The following ZAN variants were observed in gnomAD, a reference collection of about 807,000 sequenced individuals.
The protein encoded by ZAN is zonadhesin, also known as zonadhesin (gene/pseudogene).
In ZAN, 260 loss-of-function variants were observed where a neutral mutation model predicts 286.2. That is an observed-to-expected ratio of 0.91 (90% CI 0.82 to 1.01). ZAN has a LOEUF of 1.01. Ranked by LOEUF, ZAN falls within the 50% of genes least tolerant of loss-of-function variation. The pLI is 0.00. For synonymous variants in ZAN, 1,368 were observed against 1,417.5 expected, an observed-to-expected ratio of 0.97 and a Z score of 0.79; for missense variants, 3,410 against 3,639.2, an observed-to-expected ratio of 0.94 and a Z score of 1.62.
rs1001877044 is a variant in ZAN at position 100,758,685 on chromosome 7, A to G, written c.3571+35A>G. 4 of 1,544,584 alleles carry G rather than the reference A, an allele frequency of 2.6e-6. No homozygotes were observed. The African/African-American group carries it at 4.1e-5, about 16-fold the overall frequency. Reference sequence around the variant, plus strand: ...GGAGATGCCACTGCGGCCTGGGGGGAGGGTCTGTGGGCAGCGCTGCTAGGC... The same window carrying G: ...GGAGATGCCACTGCGGCCTGGGGGGGGGGTCTGTGGGCAGCGCTGCTAGGC... On this transcript the variant is annotated intron_variant, in intron 17 of 47. Coordinates refer to ENST00000613979, the MANE Select transcript of ZAN (RefSeq NM_003386.3).
At chr7:100,788,705 T>C (rs1811740013) in intron 38 of ZAN, among the ~76,000 whole-genome samples, 1 of 151,978 alleles carries the variant, frequency 6.6e-6, no homozygotes, top group African/African-American at 2.4e-5. Context: ...CACCAATGTA[T>C]TTTTATTTTT....
At chr7:100,738,873 T>TTCTTCTTCTTCTCCTTCTCCC (rs1562911230) in intron 7 of ZAN, among the ~76,000 whole-genome samples, 1 of 24,150 alleles carries the variant, frequency 4.1e-5, no homozygotes. Context: ...CCTCTTCTTC[T>TTCTTCTTCTTCTCCTTCTCCC]TCTCCCTCTC....
chr7:100,777,928 C>T (rs996246051), intron 34 of ZAN, among the ~76,000 whole-genome samples: 5 of 151,904 alleles, frequency 3.3e-5, no homozygotes, highest in Non-Finnish European at 5.9e-5. Context: ...CATTCTGGGG[C>T]GATGTGTGTA....
rs375997567 is a variant in ZAN, at chr7:100,767,843, C to T, written c.4873C>T (p.Arg1625Trp). Residue 1625 changes from arginine to tryptophan, a missense_variant, in exon 26 of 48, where the codon CGG becomes TGG. Arg to Trp is a moderately radical substitution (Grantham distance 101). Around this residue, in one of 7 missense-constraint regions of ZAN, gnomAD observed 1,042 missense variants for 1,058.0 expected, o/e 0.98. Transcript: ENST00000613979. ...CCTGCCTCTGCAGCTGAATGGCCATCGGGTGGCCCTACCTGTGTGGCTTGC... is the reference window on the plus strand; with the variant it reads ...CCTGCCTCTGCAGCTGAATGGCCATTGGGTGGCCCTACCTGTGTGGCTTGC... ...RGCKVMLNGH[R>W]VALPVWLAQG... 2.0e-4 allele frequency: 328 copies of T among 1,612,660 alleles called. No homozygotes were observed. Among genetic ancestry groups the T allele is most frequent in the Non-Finnish European group, 2.5e-4 (294 of 1,179,452 alleles).
rs755345267 is a variant in ZAN, at chr7:100,779,695, C to T, written c.6567C>T (p.Ala2189=). 2.6e-6 allele frequency: 4 copies of T among 1,560,752 alleles called. No homozygotes were observed. The highest frequency in any genetic ancestry group is 4.8e-5 in the East Asian group (2 of 41,580). The change falls in exon 35 of 48, where the codon GCC becomes GCT. Residue 2189 remains alanine (A), a synonymous_variant. Transcript: ENST00000613979. ...GCCAGGCTCTGCAAGCCTTCGGGGC[C>T]ACCTGCCAGAGCCAGGGGCTCAAGC... The part of the protein sequence containing the change: ...ALCQALQAFG[A]TCQSQGLKPP...
chr7:100,750,013 T>TTTGG (rs1808533819), intron 11 of ZAN, among the ~76,000 whole-genome samples: 1 of 143,010 alleles, frequency 7.0e-6, no homozygotes, highest in Admixed American at 7.0e-5. Flanking sequence ...ATCGTGTCAC[T>TTTGG]GCACTCCAGC....
At chr7:100,780,960 A>C (rs1231756555) in intron 35 of ZAN, among the ~76,000 whole-genome samples, 1 of 151,854 alleles carries the variant, frequency 6.6e-6, no homozygotes, top group Admixed American at 6.6e-5. Flanking sequence ...AGACAAGAAA[A>C]CTATATGCTC....
intron 38 of ZAN, 36 bp downstream of exon 38, chr7:100,788,172 G>A (rs778762672): frequency 1.4e-6 from 2 of 1,445,820 alleles, no homozygotes; most frequent in Non-Finnish European, 1.8e-6. Context: ...GGTGTGGGGA[G>A]GCAGCTGGAC....
chr7:100,747,098 T>C (rs1331778565), intron 8 of ZAN, among the ~76,000 whole-genome samples: 2 of 147,248 alleles, frequency 1.4e-5, no homozygotes, highest in African/African-American at 5.1e-5. Flanking sequence ...AAAAAGAAAG[T>C]TGTGCTGGCC....
chr7:100,760,272 A>G, intron 18 of ZAN, 119 bp from the exon 19 acceptor site: 1 of 1,349,142 alleles, frequency 7.4e-7, no homozygotes, highest in Non-Finnish European at 1.0e-6. Flanking sequence ...CTCCTGGTGG[A>G]TGAGATTGTT....
In ZAN at chr7:100,762,406, T is replaced by C; in HGVS notation, c.3986+48T>C. Reference sequence around the variant, plus strand: ...GGGGCCCTGGGAAGGTTCCGTCCCCTTCCTGGAACTCTCTTTTTTTTTTTT... The same window carrying C: ...GGGGCCCTGGGAAGGTTCCGTCCCCCTCCTGGAACTCTCTTTTTTTTTTTT... On this transcript the variant is annotated intron_variant, in intron 20 of 47. Transcript: ENST00000613979. The C allele has an allele frequency of 2.8e-6, 4 of 1,438,940 alleles. No individual in the cohort carries two copies. The South Asian group carries it at 5.6e-5, about 20-fold the overall frequency. The allele number at this position is 1,438,940 out of a possible 1,614,324, so 89.1% of individuals were successfully genotyped here. A position where few individuals can be genotyped will look rare whatever the true frequency, so the allele number is the denominator to read the frequency against.
In ZAN at chr7:100,767,019, C is replaced by T. The variant is rs183936895; in HGVS notation, c.4622C>T (p.Thr1541Ile). ...IYGCHAQGAATCTASGDPHYL... is the reference protein window; with the variant it reads ...IYGCHAQGAAICTASGDPHYL... ...ATCTTCTTCTCCACAGGTGCCGCCA[C>T]CTGCACAGCCTCGGGTGACCCCCAC... The change falls in exon 25 of 48, where the codon ACC becomes ATC. Residue 1541 changes from threonine to isoleucine, a missense_variant. Physicochemically the swap from Thr to Ile is moderately conservative, Grantham distance 89 (BLOSUM62 -1). Around this residue, in one of 7 missense-constraint regions of ZAN, gnomAD observed 1,042 missense variants for 1,058.0 expected, o/e 0.98. Coordinates refer to ENST00000613979, the MANE Select transcript of ZAN (RefSeq NM_003386.3). The T allele has an allele frequency of 3.1e-5, 50 of 1,613,840 alleles. No homozygotes were observed. The Admixed American group carries it at 8.2e-4, about 26-fold the overall frequency.
At chr7:100,783,733 CAAAAAAAAAAAAAA>C (rs67004319) in intron 35 of ZAN, among the ~76,000 whole-genome samples, 5 of 11,238 alleles carry the variant, frequency 4.4e-4, no homozygotes, top group African/African-American at 1.1e-3. Context: ...CCGTCCCCCG[CAAAAAAAAAAAAAA>C]AAAAAAAAAA....
In ZAN at chr7:100,773,815, C is replaced by T; in HGVS notation, c.5729C>T (p.Pro1910Leu). Residue 1910 changes from proline to leucine, a missense_variant, in exon 31 of 48, where the codon CCC becomes CTC. By Grantham distance (98) the Pro-to-Leu change is moderately conservative (BLOSUM62 -3). This residue lies in a region of ZAN where 1,289 missense variants were observed against 1,314.3 expected (regional missense o/e 0.98). Transcript: ENST00000613979. ...NITCFQSTCK[P>L]NQICWALDGL... ...ACCTGCTTCCAGAGCACCTGCAAAC[C>T]CAACCAGATATGCTGGGCCCTGGAT... 1 of 1,611,424 alleles carries T rather than the reference C, an allele frequency of 6.2e-7. No individual in the cohort carries two copies. The highest frequency in any genetic ancestry group is 8.5e-7 in the Non-Finnish European group (1 of 1,179,104).
Position 100,769,872 on chromosome 7 carries a change from TCA to T in ZAN, c.5154-7_5154-6del. 1 of 1,552,836 alleles carries T rather than the reference TCA, an allele frequency of 6.4e-7. No individual in the cohort carries two copies. The highest frequency in any genetic ancestry group is 8.7e-7 in the Non-Finnish European group (1 of 1,147,606). On this transcript the variant is annotated splice_polypyrimidine_tract_variant and splice_region_variant and intron_variant, in intron 27 of 47. Coordinates refer to ENST00000613979, the MANE Select transcript of ZAN (RefSeq NM_003386.3). ...TGTAGCCCTCAGTTTCTATTCTCTC[TCA>T]TTTAGCTGTTTCCTTGTGGGTGGCA...
At chr7:100,741,517 C>T (rs1442669458) in intron 7 of ZAN, among the ~76,000 whole-genome samples, 9 of 50,858 alleles carry the variant, frequency 1.8e-4, no homozygotes, top group Non-Finnish European at 2.4e-4. Context: ...GGGGGGCTGA[C>T]CCCCCCCACC....
intron 37 of ZAN, among the ~76,000 whole-genome samples, chr7:100,786,707 G>GC (rs1037528869): frequency 1.3e-5 from 2 of 149,930 alleles, no homozygotes; most frequent in African/African-American, 4.9e-5. Flanking sequence ...CACTGTGCCC[G>GC]CCCCCTCTAA....
Position 100,776,893 on chromosome 7 carries a change from C to T in ZAN, c.6317+329C>T, listed in dbSNP as rs531424588. 8.5e-3 allele frequency among the ~76,000 whole-genome samples: 1,200 copies of T among 141,872 alleles called. 22 individuals carry two copies. Among genetic ancestry groups the T allele is most frequent in the African/African-American group, 0.029 (1,122 of 38,528 alleles). 93.1% of individuals were successfully genotyped at this position (141,872 alleles called of 152,430 possible). On this transcript the variant is annotated intron_variant, in intron 34 of 47. Transcript: ENST00000613979. ...GACTACAGGCGCCCGCCACCGCGCC[C>T]GGCTAATTTTTTGTATTTTTAGTAG...
intron 23 of ZAN, among the ~76,000 whole-genome samples, chr7:100,766,136 A>G (rs1168596569): frequency 1.3e-5 from 2 of 151,906 alleles, no homozygotes; most frequent in African/African-American, 4.8e-5. Context: ...ACAGGCGTGC[A>G]CTACCACGCC....
Sources: gnomAD v4.1 joint callset for allele counts (sites outside exome capture counted in the v4.1 genomes callset) on GRCh38, gnomAD v4.1.1 for gene constraint, gnomAD v4.1.1 regional missense constraint, MANE v1.5 for transcripts, NCBI Gene and HGNC (gene_info 2026-07-23, HGNC 2026-07-21) for gene names.